ANK1: variants seen among roughly 807,000 people sequenced by gnomAD.
The protein encoded by ANK1 is ankyrin-1.
In ANK1, 51 loss-of-function variants were observed where a neutral mutation model predicts 210.4. The observed-to-expected ratio is 0.24, with a 90% confidence interval of 0.19 to 0.31. The LOEUF (loss-of-function observed/expected upper bound fraction) is 0.31, where lower values mean the gene tolerates loss of function less well. Ranked by LOEUF, ANK1 falls within the 10% of genes least tolerant of loss-of-function variation. The probability of loss-of-function intolerance (pLI) is 1.00; values close to 1 mark genes in which losing one functional copy is unlikely to be tolerated. For missense variants in ANK1, 2,051 were observed against 2,504.4 expected, an observed-to-expected ratio of 0.82 and a Z score of 3.86; for synonymous variants, 967 against 1,025.9, an observed-to-expected ratio of 0.94 and a Z score of 1.10.
chr8:41,858,262 C>T lies in ANK1; in HGVS notation c.126+38093G>A, dbSNP rs78450793. On this transcript the variant is annotated intron_variant, in intron 1 of 42. Coordinates refer to the ANK1 transcript ENST00000265709. ...ATAAAACAGGCTTAGGCAGGAGAATCGCTTGCACTCAGGAGGCAGTGGTTG... is the reference window on the plus strand; with the variant it reads ...ATAAAACAGGCTTAGGCAGGAGAATTGCTTGCACTCAGGAGGCAGTGGTTG... Among the ~76,000 whole-genome samples the T allele has an allele frequency of 7.2e-3, 1,092 of 151,076 alleles. 20 individuals are homozygous for T. The highest frequency in any genetic ancestry group is 0.025 in the African/African-American group (1,035 of 41,094).
At chr8:41,687,823 C>T (rs1003648259) in intron 35 of ANK1, among the ~76,000 whole-genome samples, 1 of 152,240 alleles carries the variant, frequency 6.6e-6, no homozygotes, top group Non-Finnish European at 1.5e-5. Flanking sequence ...TGATGGTTGG[C>T]AGGACTTCTG....
At chr8:41,846,528 T>C (rs1175496665) in intron 1 of ANK1, among the ~76,000 whole-genome samples, 1 of 152,246 alleles carries the variant, frequency 6.6e-6, no homozygotes, top group Non-Finnish European at 1.5e-5. Context: ...GGGGCTGGCA[T>C]TTGTCCCAGG....
intron 1 of ANK1, among the ~76,000 whole-genome samples, chr8:41,787,450 A>G (rs1375198525): frequency 6.6e-6 from 1 of 151,746 alleles, no homozygotes; most frequent in African/African-American, 2.4e-5. Flanking sequence ...CCCACCCCCC[A>G]ACCCCCAGCC....
rs567743380 is a variant in ANK1 at position 41,845,245 on chromosome 8, C to T, written c.126+51110G>A. ...ACAAAAATACAAAAAATTAGCCGGG[C>T]ATGGTGGCGTGTGCCTGTAGACCCA... On this transcript the variant is annotated intron_variant, in intron 1 of 42. Coordinates refer to the ANK1 transcript ENST00000265709. Among the ~76,000 whole-genome samples, 433 of 152,098 alleles carry T rather than the reference C, an allele frequency of 2.8e-3. 3 individuals are homozygous for T. The highest frequency in any genetic ancestry group is 5.1e-3 in the Admixed American group (78 of 15,282).
At chr8:41,687,903 A>G (rs564103486) in intron 35 of ANK1, among the ~76,000 whole-genome samples, 39 of 152,188 alleles carry the variant, frequency 2.6e-4, no homozygotes, top group Non-Finnish European at 5.0e-4. Context: ...CCTCCTTTTC[A>G]AGGTCTCCTG....
At chr8:41,877,933 G>A (rs1816879712) in intron 1 of ANK1, among the ~76,000 whole-genome samples, 1 of 152,232 alleles carries the variant, frequency 6.6e-6, no homozygotes, top group Admixed American at 6.5e-5. Context: ...CCGTGTGAGG[G>A]AGGACAGGGA....
At position 41,895,458 on chromosome 8, in the gene ANK1, A is replaced by G. The variant is rs146916891; in HGVS notation, c.126+897T>C. On this transcript the variant is annotated intron_variant, in intron 1 of 42. Transcript: ENST00000265709. ...GTGTTTCTGACCTAAGGTGCTTCTCAAGGTGCTTTGATCAGGGGTAAGAGG... is the reference window on the plus strand; with the variant it reads ...GTGTTTCTGACCTAAGGTGCTTCTCGAGGTGCTTTGATCAGGGGTAAGAGG... Among the ~76,000 whole-genome samples the G allele has an allele frequency of 1.6e-4, 24 of 152,224 alleles. No homozygotes were observed. In the East Asian group the frequency reaches 4.6e-3, roughly 29 times the overall value.
intron 2 of ANK1, among the ~76,000 whole-genome samples, chr8:41,739,373 C>G (rs899041688): frequency 6.6e-6 from 1 of 152,078 alleles, no homozygotes; most frequent in African/African-American, 2.4e-5. Context: ...TGAATGTTAT[C>G]TACTTTTCCC....
In ANK1 at chr8:41,655,171, G is replaced by A. The variant is rs1805246432; in HGVS notation, c.*619C>T. The A allele has an allele frequency of 6.4e-6, 1 of 155,430 alleles. No individual in the cohort carries two copies. The highest frequency in any genetic ancestry group is 6.2e-5 in the Admixed American group (1 of 16,234). 9.6% of individuals were successfully genotyped at this position (155,430 alleles called of 1,614,324 possible). ...GTGTGTGTCCTGAATGTCATGTAGA[G>A]CGATCTGGGAGGAGCGTCACCAGGG... On this transcript the variant is annotated 3_prime_UTR_variant, in exon 43 of 43. Transcript: ENST00000289734.
chr8:41,690,182 G>A, intron 33 of ANK1, 45 bp downstream of exon 33: 5 of 1,613,626 alleles, frequency 3.1e-6, no homozygotes, highest in Non-Finnish European at 4.2e-6. Context: ...ACCTCCTACA[G>A]GGAAGCCGTC....
In ANK1 at chr8:41,655,489, CCT is replaced by C; in HGVS notation, c.*299_*300del. The C allele has an allele frequency of 1.9e-6, 1 of 523,986 alleles. No homozygotes were observed. 32.5% of individuals were successfully genotyped at this position (523,986 alleles called of 1,614,324 possible). A position where few individuals can be genotyped will look rare whatever the true frequency, so the allele number is the denominator to read the frequency against. Reference sequence around the variant, plus strand: ...GGCTCTCCTGCGCTTGTTTTCTATCCCTCTCTCTCCCCGCTTCTTGCTGCTTT... The same window carrying C: ...GGCTCTCCTGCGCTTGTTTTCTATCCCTCTCTCCCCGCTTCTTGCTGCTTT... On this transcript the variant is annotated 3_prime_UTR_variant, in exon 43 of 43. Coordinates refer to ENST00000289734, the MANE Select transcript of ANK1 (RefSeq NM_000037.4).
rs935696558 is a variant in ANK1, at chr8:41,699,525, C to A, written c.2485G>T (p.Ala829Ser). 17 of 1,614,050 alleles carry A rather than the reference C, an allele frequency of 1.1e-5. No individual in the cohort carries two copies. The highest frequency in any genetic ancestry group is 5.3e-5 in the African/African-American group (4 of 74,940). ...ACATCCCTGGAATCCCGCCTCTCAG[C>A]CTTGAAGCTGATGAGTTCTTCCCCT... is the stretch of plus-strand genomic sequence containing the variant. Reference protein sequence around the residue: ...DEGEELISFKAERRDSRDVDE... With the variant: ...DEGEELISFKSERRDSRDVDE... Residue 829 changes from alanine to serine, a missense_variant, in exon 23 of 43, where the codon GCT (alanine) becomes TCT (serine). Physicochemically the swap from Ala to Ser is moderately conservative, Grantham distance 99 (BLOSUM62 1). Coordinates refer to ENST00000289734, the MANE Select transcript of ANK1 (RefSeq NM_000037.4).
intron 1 of ANK1, among the ~76,000 whole-genome samples, chr8:41,758,721 T>A (rs1264466152): frequency 6.6e-6 from 1 of 152,138 alleles, no homozygotes; most frequent in Non-Finnish European, 1.5e-5. Flanking sequence ...CCCATTCCTA[T>A]GGCAAGCGCA....
At chr8:41,741,560 G>A (rs985254323) in intron 2 of ANK1, among the ~76,000 whole-genome samples, 1 of 149,944 alleles carries the variant, frequency 6.7e-6, no homozygotes, top group African/African-American at 2.4e-5. Flanking sequence ...AGCCTGAGTG[G>A]TGGAGTGAGA....
In ANK1 at chr8:41,701,998, C is replaced by A. The variant is rs1195592126; in HGVS notation, c.2388+54G>T. 87 of 1,563,320 alleles carry A rather than the reference C, an allele frequency of 5.6e-5. 1 individual carries two copies. In the South Asian group the frequency reaches 8.2e-4, roughly 15 times the overall value. On this transcript the variant is annotated intron_variant, in intron 21 of 42. Transcript: ENST00000289734. ...ACTTCCAGAGTAACCCCAGGCACGC[C>A]TGTGCGCCAGGCTGAGTGTGTCTGG...
chr8:41,734,212 G>A (rs1312609265), intron 2 of ANK1, 143 bp from the exon 3 acceptor site: 9 of 781,000 alleles, frequency 1.2e-5, no homozygotes, highest in Non-Finnish European at 1.8e-5. Flanking sequence ...GAGGTTGGAA[G>A]GGGCACAGGG....
At chr8:41,859,278 C>G (rs1375156082) in intron 1 of ANK1, among the ~76,000 whole-genome samples, 124 of 152,226 alleles carry the variant, frequency 8.1e-4, no homozygotes, top group Non-Finnish European at 2.9e-5. Context: ...GGGCTTGGCC[C>G]TCCAACAAAA....
chr8:41,758,210 GC>G lies in ANK1; in HGVS notation c.28-74del, dbSNP rs545412988. 4,216 of 1,340,412 alleles carry G rather than the reference GC, an allele frequency of 3.1e-3. 35 individuals carry two copies. Among genetic ancestry groups the G allele is most frequent in the Non-Finnish European group, 2.9e-3 (2,730 of 939,230 alleles). The allele number at this position is 1,340,412 out of a possible 1,614,324, so 83.0% of individuals were successfully genotyped here. On this transcript the variant is annotated intron_variant, in intron 1 of 42. Coordinates refer to ENST00000289734, the MANE Select transcript of ANK1 (RefSeq NM_000037.4). ...CTTCTCCACCCCGTTCAAGTCCCAG[GC>G]CCCCGCAGCAGCCCCTGCATCCTCT... is the stretch of plus-strand genomic sequence containing the variant.
In ANK1 at chr8:41,696,702, G is replaced by A. The variant is rs772059739; in HGVS notation, c.2709C>T (p.Ser903=). The change falls in exon 25 of 43, where the codon AGC becomes AGT. Residue 903 remains serine (S), a synonymous_variant. Transcript: ENST00000289734. ...SPATETSDNI[S]PVASPVHTGF... is the part of the protein sequence containing the mutation. ...CTGTATGCACCGGGCTGGCCACCGG[G>A]CTGATGTTGTCTGAGGTCTCGGTGG... 6.9e-6 allele frequency: 11 copies of A among 1,603,464 alleles called. No individual in the cohort carries two copies. In the Admixed American group the frequency reaches 1.8e-4, roughly 27 times the overall value.
Sources: allele counts gnomAD v4.1 joint callset (sites outside exome capture counted in the v4.1 genomes callset), GRCh38; gene constraint gnomAD v4.1.1; transcripts MANE v1.5; gene names NCBI Gene and HGNC (gene_info 2026-07-23, HGNC 2026-07-21).